Variants in KLF7 observed in about 807,000 individuals in gnomAD.
KLF7 encodes Krueppel-like factor 7.
A neutral mutation model predicts 27.3 loss-of-function variants in KLF7; 2 were observed. That is an observed-to-expected ratio of 0.07 (90% CI 0.03 to 0.23). The LOEUF (loss-of-function observed/expected upper bound fraction) is 0.23. KLF7 is among the 10% of genes least tolerant of loss of function. KLF7 has a pLI of 1.00. For synonymous variants in KLF7, 165 were observed against 162.4 expected (o/e 1.02, Z -0.12); for missense variants, 221 against 394.1 (o/e 0.56, Z 3.72).
At chr2:207,143,018 A>G (rs2077987035) in intron 1 of KLF7, among the ~76,000 whole-genome samples, 1 of 152,250 alleles carries the variant, frequency 6.6e-6, no homozygotes, top group Non-Finnish European at 1.5e-5. Flanking sequence ...TTGCCCAGTG[A>G]TATTCCTGAA....
intron 1 of KLF7, among the ~76,000 whole-genome samples, chr2:207,155,551 A>G (rs148420859): frequency 4.6e-5 from 7 of 152,360 alleles, no homozygotes; most frequent in Admixed American, 2.6e-4. Flanking sequence ...TGTTTGTTAC[A>G]TTCTCATATG....
At chr2:207,150,342 A>C (rs981485014) in intron 1 of KLF7, among the ~76,000 whole-genome samples, 4 of 152,244 alleles carry the variant, frequency 2.6e-5, no homozygotes, top group Non-Finnish European at 5.9e-5. Context: ...TTAGACAACC[A>C]GTAGGAAATT....
rs1019571938 is a variant in KLF7, at chr2:207,089,597, G to A, written c.734-1016C>T. On this transcript the variant is annotated intron_variant, in intron 2 of 3. Coordinates refer to ENST00000309446, the MANE Select transcript of KLF7 (RefSeq NM_003709.4). ...AGCTGAGTTACTGAGCCCCGTCACT[G>A]AGAGGCAGGTTAGTATGTGGTTAAG... Among the ~76,000 whole-genome samples, 5 of 152,280 alleles carry A rather than the reference G, an allele frequency of 3.3e-5. No individual in the cohort carries two copies. In the East Asian group the frequency reaches 9.6e-4, roughly 29 times the overall value.
chr2:207,165,397 C>A, intron 1 of KLF7, 70 bp downstream of exon 1: 1 of 1,607,044 alleles, frequency 6.2e-7, no homozygotes. Flanking sequence ...CAACCCAGAG[C>A]CCACACCAAC....
intron 2 of KLF7, among the ~76,000 whole-genome samples, chr2:207,091,982 G>T: frequency 6.6e-6 from 1 of 151,060 alleles, no homozygotes. Context: ...AAAAAGAAAG[G>T]CTTTCTTTAT....
At chr2:207,127,671 A>T (rs1259744062) in intron 1 of KLF7, among the ~76,000 whole-genome samples, 6 of 151,970 alleles carry the variant, frequency 3.9e-5, no homozygotes, top group African/African-American at 1.5e-4. Context: ...ATGAAACCCC[A>T]TCTCTACTAA....
At position 207,075,277 on chromosome 2, in the gene KLF7, A is replaced by G. The variant is rs2076154398; in HGVS notation, c.*5936T>C. 6.6e-6 allele frequency: 1 copy of G among 151,368 alleles called. No homozygotes were observed. The allele number at this position is 151,368 out of a possible 1,614,324, so 9.4% of individuals were successfully genotyped here. On this transcript the variant is annotated 3_prime_UTR_variant, in exon 4 of 4. Coordinates refer to ENST00000309446, the MANE Select transcript of KLF7 (RefSeq NM_003709.4). Reference sequence around the variant, plus strand: ...TGTAACATTAACATACCACCATCATATAATACAAATAATAGTTTTAAATCT... The same window carrying G: ...TGTAACATTAACATACCACCATCATGTAATACAAATAATAGTTTTAAATCT...
At chr2:207,129,342 C>T (rs1443282637) in intron 1 of KLF7, among the ~76,000 whole-genome samples, 1 of 152,194 alleles carries the variant, frequency 6.6e-6, no homozygotes, top group African/African-American at 2.4e-5. Flanking sequence ...CCTGACCTAA[C>T]CATACAACTT....
rs1402364960 is a variant in KLF7 at position 207,078,857 on chromosome 2, G to A, written c.*2356C>T. The A allele has an allele frequency of 6.6e-6, 1 of 152,166 alleles. No homozygotes were observed. The highest frequency in any genetic ancestry group is 2.4e-5 in the African/African-American group (1 of 41,432). The allele number at this position is 152,166 out of a possible 1,614,324, so 9.4% of individuals were successfully genotyped here. A position where few individuals can be genotyped will look rare whatever the true frequency, so the allele number is the denominator to read the frequency against. ...TGGCCACAAAATGCACTCAAATGCA[G>A]CAGAGAACTACGAGATTGTCAGCAA... On this transcript the variant is annotated 3_prime_UTR_variant, in exon 4 of 4. Transcript: ENST00000309446.
At chr2:207,166,880 G>A, upstream of KLF7, 3 of 1,076,284 alleles carry the variant, frequency 2.8e-6, no homozygotes, top group Non-Finnish European at 3.4e-6. Flanking sequence ...GGGGAGCGGA[G>A]CGAGACCGCG....
intron 2 of KLF7, among the ~76,000 whole-genome samples, chr2:207,116,127 A>G (rs945813176): frequency 1.3e-5 from 2 of 152,236 alleles, no homozygotes; most frequent in African/African-American, 4.8e-5. Flanking sequence ...GGCGTTCTCC[A>G]TTCGGTACCG....
chr2:207,154,887 G>A (rs13006623), intron 1 of KLF7, among the ~76,000 whole-genome samples: 17,516 of 152,050 alleles, frequency 0.12, 1,285 homozygotes, highest in Middle Eastern at 0.17. Context: ...AAAGTGCCTC[G>A]CACAGTCCAG....
intron 2 of KLF7, among the ~76,000 whole-genome samples, chr2:207,101,456 G>T (rs2076763636): frequency 6.6e-6 from 1 of 152,134 alleles, no homozygotes; most frequent in African/African-American, 2.4e-5. Context: ...GAAACTTGAA[G>T]GACACTAAGG....
At position 207,074,550 on chromosome 2, in the gene KLF7, T is replaced by C. The variant is rs2076145836; in HGVS notation, c.*6663A>G. The C allele has an allele frequency of 6.6e-6, 1 of 152,250 alleles. No homozygotes were observed. Among genetic ancestry groups the C allele is most frequent in the African/African-American group, 2.4e-5 (1 of 41,438 alleles). The allele number at this position is 152,250 out of a possible 1,614,324, so 9.4% of individuals were successfully genotyped here. On this transcript the variant is annotated 3_prime_UTR_variant, in exon 4 of 4. Transcript: ENST00000309446. ...ACTCTCCACAGCCAGCTGGATTTCC[T>C]GGCTTCCGGTTACCCATTTCCTCCC...
chr2:207,171,956 G>C (rs1464169052), upstream of KLF7, among the ~76,000 whole-genome samples: 3 of 152,142 alleles, frequency 2.0e-5, no homozygotes, highest in Admixed American at 6.5e-5. Context: ...AATAAATCAA[G>C]AAAGTGATTG....
In KLF7 at chr2:207,074,336, G is replaced by C. The variant is rs186999151; in HGVS notation, c.*6877C>G. 2.6e-5 allele frequency: 4 copies of C among 152,248 alleles called. No homozygotes were observed. Among genetic ancestry groups the C allele is most frequent in the East Asian group, 1.9e-4 (1 of 5,164 alleles). 9.4% of individuals were successfully genotyped at this position (152,248 alleles called of 1,614,324 possible). ...CTTCTCTCGGGGAATCGCTGAGCTC[G>C]GGATGCTGAGGCGACACCACCAGCT... On this transcript the variant is annotated 3_prime_UTR_variant, in exon 4 of 4. Coordinates refer to ENST00000309446, the MANE Select transcript of KLF7 (RefSeq NM_003709.4).
At chr2:207,154,281 T>C (rs919463617) in intron 1 of KLF7, among the ~76,000 whole-genome samples, 1 of 152,200 alleles carries the variant, frequency 6.6e-6, no homozygotes, top group Non-Finnish European at 1.5e-5. Flanking sequence ...TATTATGTTA[T>C]ATATGCCTAA....
chr2:207,166,615 T>TA (rs1477345696), upstream of KLF7: 2 of 175,680 alleles, frequency 1.1e-5, no homozygotes, highest in African/African-American at 4.8e-5. Context: ...TCAGGACGCC[T>TA]CCTGGAGGGG....
At chr2:207,092,122 TA>T (rs2076526348) in intron 2 of KLF7, among the ~76,000 whole-genome samples, 3 of 152,232 alleles carry the variant, frequency 2.0e-5, no homozygotes, top group African/African-American at 7.2e-5. Context: ...CTCCTGGGTA[TA>T]AAACAGAAAC....
Sources: allele counts gnomAD v4.1 joint callset (sites outside exome capture counted in the v4.1 genomes callset), GRCh38; gene constraint gnomAD v4.1.1; transcripts MANE v1.5; gene names NCBI Gene and HGNC (gene_info 2026-07-23, HGNC 2026-07-21).